PCCA: variants seen among roughly 807,000 people sequenced by gnomAD.
PCCA encodes propionyl-CoA carboxylase subunit alpha, also known as propionyl-CoA carboxylase alpha chain, mitochondrial.
PCCA carries 74 observed loss-of-function variants against 101.3 expected under a neutral mutation model. The ratio of observed to expected loss-of-function variants is 0.73; its 90% confidence interval spans 0.61 to 0.89. The LOEUF is 0.89. Ranked by LOEUF, PCCA falls within the 40% of genes least tolerant of loss-of-function variation. The pLI is 0.00. For missense variants in PCCA, 891 were observed against 907.0 expected, an observed-to-expected ratio of 0.98 and a Z score of 0.23; for synonymous variants, 294 against 313.6, an observed-to-expected ratio of 0.94 and a Z score of 0.66.
At chr13:100,170,115 T>C (rs1286469928) in intron 6 of PCCA, among the ~76,000 whole-genome samples, 2 of 152,244 alleles carry the variant, frequency 1.3e-5, no homozygotes, top group Admixed American at 6.5e-5. Flanking sequence ...GAAATAAATG[T>C]AGAAGGGATG....
intron 22 of PCCA, among the ~76,000 whole-genome samples, chr13:100,526,899 C>T (rs1055540770): frequency 1.3e-5 from 2 of 152,250 alleles, no homozygotes; most frequent in African/African-American, 4.8e-5. Flanking sequence ...GGCCCGTGGG[C>T]GCTCCCAGTC....
chr13:100,399,570 GGCAGGT>G (rs1478920488), intron 19 of PCCA, among the ~76,000 whole-genome samples: 5 of 152,146 alleles, frequency 3.3e-5, no homozygotes, highest in Non-Finnish European at 7.4e-5. Flanking sequence ...CTAACTGGTA[GGCAGGT>G]GCAGATGTTA....
chr13:100,114,131 T>G (rs1376319098), intron 4 of PCCA, among the ~76,000 whole-genome samples: 2 of 152,098 alleles, frequency 1.3e-5, no homozygotes, highest in African/African-American at 4.8e-5. Flanking sequence ...TTAGAAAGCT[T>G]CTACACAGCC....
chr13:100,316,954 A>G (rs2067419317), intron 16 of PCCA, among the ~76,000 whole-genome samples: 1 of 151,894 alleles, frequency 6.6e-6, no homozygotes, highest in South Asian at 2.1e-4. Context: ...TTGTATTTTT[A>G]GTAGAGACGG....
intron 22 of PCCA, among the ~76,000 whole-genome samples, chr13:100,525,972 G>A (rs1407279562): frequency 3.3e-5 from 5 of 152,158 alleles, no homozygotes; most frequent in African/African-American, 7.2e-5. Context: ...GAGAGTCCCC[G>A]GTCCTGTTGC....
intron 8 of PCCA, among the ~76,000 whole-genome samples, chr13:100,247,215 GTTT>G (rs143058621): frequency 1.6e-3 from 168 of 108,236 alleles, no homozygotes; most frequent in African/African-American, 2.7e-3. Context: ...GCCTGTGTGG[GTTT>G]TTTTTTTTTT....
chr13:100,391,479 A>G (rs1390472283), intron 19 of PCCA, among the ~76,000 whole-genome samples: 1 of 152,156 alleles, frequency 6.6e-6, no homozygotes, highest in Non-Finnish European at 1.5e-5. Context: ...GGCTAGGCTA[A>G]CCAAGCTTCC....
At chr13:100,107,136 A>G (rs1259045719) in intron 2 of PCCA, among the ~76,000 whole-genome samples, 1 of 152,182 alleles carries the variant, frequency 6.6e-6, no homozygotes, top group Non-Finnish European at 1.5e-5. Flanking sequence ...TCTCGTTTGA[A>G]TCTGTTATTA....
intron 6 of PCCA, among the ~76,000 whole-genome samples, chr13:100,200,738 A>G (rs980374369): frequency 1.3e-4 from 19 of 151,338 alleles, no homozygotes; most frequent in African/African-American, 4.4e-4. Context: ...TATATAAAAC[A>G]AATTTATATT....
intron 6 of PCCA, among the ~76,000 whole-genome samples, chr13:100,191,720 GT>G (rs1482872330): frequency 6.6e-6 from 1 of 152,210 alleles, no homozygotes; most frequent in Non-Finnish European, 1.5e-5. Flanking sequence ...GTTGGTGTCA[GT>G]CATATTTCAA....
At chr13:100,239,835 C>CT (rs537766049) in intron 8 of PCCA, among the ~76,000 whole-genome samples, 33 of 149,874 alleles carry the variant, frequency 2.2e-4, no homozygotes, top group African/African-American at 5.4e-4. Flanking sequence ...TAAATAAAAA[C>CT]TTTTTTTTTT....
intron 12 of PCCA, among the ~76,000 whole-genome samples, chr13:100,290,215 CTCT>C (rs1420029459): frequency 1.3e-5 from 2 of 151,806 alleles, no homozygotes; most frequent in African/African-American, 4.8e-5. Flanking sequence ...TTCTCTCTCT[CTCT>C]TTTTTTTTCT....
At chr13:100,141,480 G>A (rs887288260) in intron 4 of PCCA, among the ~76,000 whole-genome samples, 9 of 151,874 alleles carry the variant, frequency 5.9e-5, no homozygotes, top group African/African-American at 9.7e-5. Context: ...GCGTGATCTC[G>A]GCTCACTGCA....
chr13:100,364,116 A>C (rs529025767), intron 18 of PCCA, among the ~76,000 whole-genome samples: 11 of 152,230 alleles, frequency 7.2e-5, no homozygotes, highest in African/African-American at 2.7e-4. Context: ...TTGAAGAAAT[A>C]ACTTAATTGG....
At chr13:100,479,661 T>G (rs1023541330) in intron 21 of PCCA, 1 of 152,200 alleles carries the variant, frequency 6.6e-6, no homozygotes, top group Non-Finnish European at 1.5e-5. Context: ...GGAGGGGGCT[T>G]GATCTTGCTG....
chr13:100,206,926 G>A (rs867154251), intron 6 of PCCA, among the ~76,000 whole-genome samples: 1 of 152,144 alleles, frequency 6.6e-6, no homozygotes, highest in African/African-American at 2.4e-5. Context: ...CCCAGTTTAT[G>A]ATACTTACCT....
chr13:100,094,789 T>G (rs1207245661), intron 1 of PCCA, among the ~76,000 whole-genome samples: 1 of 152,226 alleles, frequency 6.6e-6, no homozygotes, highest in Admixed American at 6.5e-5. Flanking sequence ...GGTTTCACCA[T>G]GTCGGCCTGG....
intron 22 of PCCA, among the ~76,000 whole-genome samples, chr13:100,521,016 C>T (rs1441911276): frequency 2.0e-5 from 3 of 152,222 alleles, no homozygotes; most frequent in African/African-American, 7.2e-5. Flanking sequence ...GGAGCGCTTT[C>T]AGGCAGCATG....
intron 22 of PCCA, chr13:100,527,447 G>A: frequency 1.8e-6 from 1 of 570,888 alleles, no homozygotes; most frequent in Non-Finnish European, 3.2e-6. Flanking sequence ...CACTTCTCCA[G>A]GGTCAGGGAT....
Sources: gnomAD v4.1 joint callset for allele counts (sites outside exome capture counted in the v4.1 genomes callset) on GRCh38, gnomAD v4.1.1 for gene constraint, MANE v1.5 for transcripts, NCBI Gene and HGNC (gene_info 2026-07-23, HGNC 2026-07-21) for gene names.